Variants in CFAP69 observed in about 807,000 individuals in gnomAD.
CFAP69 encodes the protein cilia and flagella associated protein 69.
CFAP69 carries 92 observed loss-of-function variants against 123.0 expected under a neutral mutation model. The observed-to-expected ratio is 0.75, with a 90% CI of 0.63 to 0.89. The LOEUF (loss-of-function observed/expected upper bound fraction) is 0.89. CFAP69 is among the 40% of genes least tolerant of loss of function. The pLI is 0.00. For missense variants in CFAP69, 1,067 were observed against 1,096.9 expected, an observed-to-expected ratio of 0.97 and a Z score of 0.39; for synonymous variants, 380 against 364.3, an observed-to-expected ratio of 1.04 and a Z score of -0.49.
chr7:90,266,331 AGG>A (rs1799157406), intron 5 of CFAP69, among the ~76,000 whole-genome samples: 1 of 152,036 alleles, frequency 6.6e-6, no homozygotes, highest in Non-Finnish European at 1.5e-5. Flanking sequence ...TTAAACATGA[AGG>A]GGGCAATTTA....
chr7:90,307,865 T>C lies in CFAP69; in HGVS notation c.2550+11T>C. On this transcript the variant is annotated intron_variant, in intron 21 of 22. Coordinates refer to ENST00000389297, the MANE Select transcript of CFAP69 (RefSeq NM_001039706.3). Reference sequence around the variant, plus strand: ...GCTAAAACGTTAAAGGTAGGATTTTTAATGTATTATAGTATCCACAACAAA... The same window carrying C: ...GCTAAAACGTTAAAGGTAGGATTTTCAATGTATTATAGTATCCACAACAAA... 2 of 1,555,164 alleles carry C rather than the reference T, an allele frequency of 1.3e-6. No homozygotes were observed. The highest frequency in any genetic ancestry group is 4.5e-5 in the East Asian group (2 of 44,498).
intron 11 of CFAP69, 85 bp from the exon 12 acceptor site, chr7:90,279,592 A>G: frequency 1.3e-6 from 1 of 773,742 alleles, no homozygotes; most frequent in Non-Finnish European, 2.0e-6. Flanking sequence ...CCCCAATAAA[A>G]CATCAAAATG....
At chr7:90,322,876 T>C in the CFAP69 span, among the ~76,000 whole-genome samples, 7 of 151,960 alleles carry the variant, frequency 4.6e-5, no homozygotes, top group East Asian at 3.9e-4. Flanking sequence ...AATAGAAAAA[T>C]AAGGGTAATT....
At chr7:90,287,266 T>C (rs1355077529) in intron 14 of CFAP69, among the ~76,000 whole-genome samples, 3 of 152,116 alleles carry the variant, frequency 2.0e-5, no homozygotes, top group African/African-American at 4.8e-5. Flanking sequence ...GAATAAAGCT[T>C]CAGTGAATAT....
chr7:90,255,592 A>C, intron 2 of CFAP69, 110 bp downstream of exon 2: 1 of 803,160 alleles, frequency 1.2e-6, no homozygotes, highest in Non-Finnish European at 2.1e-6. Flanking sequence ...CGTTTTGTTG[A>C]AAACATTTTA....
intron 3 of CFAP69, among the ~76,000 whole-genome samples, chr7:90,259,618 G>T (rs17862134): frequency 0.047 from 7,077 of 151,976 alleles, 288 homozygotes; most frequent in Non-Finnish European, 0.07. Context: ...AGCCTCCCAA[G>T]TAGCTGGGAC....
intron 15 of CFAP69, among the ~76,000 whole-genome samples, chr7:90,290,999 A>C (rs1480647504): frequency 6.6e-6 from 1 of 152,048 alleles, no homozygotes; most frequent in Non-Finnish European, 1.5e-5. Context: ...TTAAACCTTG[A>C]TTCCATGTGA....
chr7:90,268,150 A>G (rs2116865036), intron 5 of CFAP69, 136 bp from the exon 6 acceptor site: 4 of 589,732 alleles, frequency 6.8e-6, no homozygotes, highest in South Asian at 4.2e-5. Context: ...AAATATGCAT[A>G]TAAATTGAAC....
At chr7:90,245,730 G>A (rs194537) in intron 1 of CFAP69, among the ~76,000 whole-genome samples, 186 bp downstream of exon 1, 92,831 of 151,986 alleles carry the variant, frequency 0.61, 30,014 homozygotes, top group Non-Finnish European at 0.72. Flanking sequence ...TGCACCGGTT[G>A]CGAGGGGCTG....
chr7:90,283,136 A>T, intron 13 of CFAP69, 80 bp downstream of exon 13: 1 of 1,102,258 alleles, frequency 9.1e-7, no homozygotes, highest in Non-Finnish European at 1.2e-6. Flanking sequence ...GTTTTTCCAA[A>T]ATTTATTTTG....
intron 3 of CFAP69, among the ~76,000 whole-genome samples, chr7:90,259,057 T>C (rs1797987920): frequency 6.6e-6 from 1 of 152,146 alleles, no homozygotes; most frequent in Admixed American, 6.6e-5. Flanking sequence ...TATAAATATA[T>C]TATCCCTACT....
downstream of CFAP69, among the ~76,000 whole-genome samples, chr7:90,313,821 T>C (rs2117529589): frequency 6.6e-6 from 1 of 152,308 alleles, no homozygotes; most frequent in Middle Eastern, 3.4e-3. Context: ...CTACCCATTC[T>C]CAAGTATGGG....
chr7:90,309,143 GCTAT>G, intron 21 of CFAP69, 116 bp from the exon 22 acceptor site: 6 of 487,402 alleles, frequency 1.2e-5, no homozygotes, highest in South Asian at 4.7e-5. Context: ...AGATTTCAGC[GCTAT>G]CTAATAAACA....
chr7:90,304,379 T>C, intron 18 of CFAP69: 1 of 1,221,220 alleles, frequency 8.2e-7, no homozygotes, highest in Non-Finnish European at 1.0e-6. Context: ...TGATTAAGCT[T>C]AAAATACTGA....
rs71104454 is a variant in CFAP69, at chr7:90,264,104, AATATATATATATATATATATATATAT to A, written c.357-1176_357-1151del. ...AGACTCCATCTCGAAAAAAAAAAAA[AATATATATATATATATATATATATAT>A]ATATATATATATATATATATGAATT... On this transcript the variant is annotated intron_variant, in intron 4 of 22. Transcript: ENST00000389297. 2.1e-3 allele frequency among the ~76,000 whole-genome samples: 103 copies of A among 48,886 alleles called. 14 individuals carry two copies. Among genetic ancestry groups the A allele is most frequent in the African/African-American group, 6.9e-3 (95 of 13,832 alleles). 32.1% of individuals were successfully genotyped at this position (48,886 alleles called of 152,430 possible). A position where few individuals can be genotyped will look rare whatever the true frequency, so the allele number is the denominator to read the frequency against.
chr7:90,256,134 GC>G (rs1459242310), intron 2 of CFAP69, among the ~76,000 whole-genome samples: 24 of 152,078 alleles, frequency 1.6e-4, no homozygotes, highest in Non-Finnish European at 1.0e-4. Context: ...GACCACAAAT[GC>G]CCATCAATGA....
At chr7:90,287,499 T>G in intron 14 of CFAP69, 1 of 985,440 alleles carries the variant, frequency 1.0e-6, no homozygotes, top group Non-Finnish European at 1.2e-6. Context: ...TTATCTTTTT[T>G]AGCTCCATAG....
chr7:90,304,657 AGAT>A (rs1793297802), intron 18 of CFAP69, 84 bp from the exon 19 acceptor site: 1 of 897,466 alleles, frequency 1.1e-6, no homozygotes, highest in Admixed American at 5.9e-5. Context: ...ATAGATAGAT[AGAT>A]AGATAGATAG....
rs986179732 is a variant in CFAP69, at chr7:90,245,228, C to A, written c.-197C>A. 45 of 603,438 alleles carry A rather than the reference C, an allele frequency of 7.5e-5. No homozygotes were observed. Among genetic ancestry groups the A allele is most frequent in the Non-Finnish European group, 1.8e-5 (7 of 394,812 alleles). The allele number at this position is 603,438 out of a possible 1,614,324, so 37.4% of individuals were successfully genotyped here. ...GCCCGGGATCAGAGGTCTGGGTCAA[C>A]TGGGGGGCGGCAGCGGCGCTAAGCG... On this transcript the variant is annotated 5_prime_UTR_variant, in exon 1 of 23. It adds an upstream start codon to the 5' untranslated region. Transcript: ENST00000389297.
Sources: allele counts gnomAD v4.1 joint callset (sites outside exome capture counted in the v4.1 genomes callset), GRCh38; gene constraint gnomAD v4.1.1; transcripts MANE v1.5; gene names NCBI Gene and HGNC (gene_info 2026-07-23, HGNC 2026-07-21).